Variants in TMEM164 observed in about 807,000 individuals in gnomAD.
TMEM164 encodes the protein transmembrane protein 164, also known as RP13-360B22.2.
In TMEM164, 4 loss-of-function variants were observed where a neutral mutation model predicts 18.8. The ratio of observed to expected loss-of-function variants is 0.21; its 90% CI spans 0.10 to 0.49. The LOEUF is 0.49. Among genes scored for constraint, TMEM164 ranks in the 20% least tolerant of loss-of-function variants. The pLI, the probability that TMEM164 is intolerant of heterozygous loss-of-function variation, is 0.98. For synonymous variants in TMEM164, 86 were observed against 101.7 expected (o/e 0.85, Z 0.93); for missense variants, 108 against 239.9 (o/e 0.45, Z 3.63).
At chrX:110,090,343 T>C (rs957134702) in intron 3 of TMEM164, among the ~76,000 whole-genome samples, 7 of 108,380 alleles carry the variant, frequency 6.5e-5, no homozygotes, top group Non-Finnish European at 1.1e-4. Flanking sequence ...TCTTGCTCTG[T>C]TGCCCAGGCT....
chrX:110,123,126 A>G (rs1017630358), intron 4 of TMEM164, among the ~76,000 whole-genome samples: 4 of 111,626 alleles, frequency 3.6e-5, no homozygotes, highest in Non-Finnish European at 7.5e-5. Context: ...CATTTTTTTC[A>G]TGTGGATATC....
chrX:110,054,138 CA>C (rs1422054840), intron 2 of TMEM164, among the ~76,000 whole-genome samples: 1 of 111,866 alleles, frequency 8.9e-6, no homozygotes, highest in Non-Finnish European at 1.9e-5. Flanking sequence ...CGACCTTAGG[CA>C]ATTTATTTAA....
intron 2 of TMEM164, among the ~76,000 whole-genome samples, chrX:110,040,970 G>A (rs925098132): frequency 8.9e-6 from 1 of 111,741 alleles, no homozygotes; most frequent in Non-Finnish European, 1.9e-5. Context: ...AAACAAATCC[G>A]TTTAATAGTG....
At chrX:110,046,944 CT>C (rs1475635534) in intron 2 of TMEM164, among the ~76,000 whole-genome samples, 1 of 112,102 alleles carries the variant, frequency 8.9e-6, no homozygotes, top group Non-Finnish European at 1.9e-5. Flanking sequence ...AGGAAAAATG[CT>C]AATTCCTGGG....
At chrX:110,049,073 ATGT>A (rs1049880772) in intron 2 of TMEM164, among the ~76,000 whole-genome samples, 2 of 112,334 alleles carry the variant, frequency 1.8e-5, no homozygotes, top group African/African-American at 3.2e-5. Flanking sequence ...GGTTTGATAA[ATGT>A]TGTTGTTATT....
chrX:110,092,043 G>A (rs150707442), intron 3 of TMEM164, among the ~76,000 whole-genome samples: 1 of 111,393 alleles, frequency 9.0e-6, no homozygotes, highest in Non-Finnish European at 1.9e-5. Context: ...ATTTCTGAGG[G>A]CTCTGTTCTG....
intron 4 of TMEM164, among the ~76,000 whole-genome samples, chrX:110,121,912 G>A (rs902936491): frequency 5.4e-5 from 6 of 111,758 alleles, no homozygotes; most frequent in Non-Finnish European, 9.4e-5. Context: ...TTGAGTATCC[G>A]TTATCCAAAA....
intron 3 of TMEM164, among the ~76,000 whole-genome samples, chrX:110,090,374 C>T (rs1378031585): frequency 9.3e-6 from 1 of 107,946 alleles, no homozygotes; most frequent in East Asian, 2.9e-4. Flanking sequence ...GGCACAATCT[C>T]GGCTCACTGC....
intron 3 of TMEM164, among the ~76,000 whole-genome samples, chrX:110,108,125 T>TGTGTGTGTGA (rs1444288844): frequency 3.7e-4 from 38 of 102,816 alleles, no homozygotes; most frequent in African/African-American, 1.2e-3. Flanking sequence ...TGTGTGTGTG[T>TGTGTGTGTGA]GATTGAGATT....
intron 4 of TMEM164, among the ~76,000 whole-genome samples, chrX:110,131,583 A>C (rs1293096132): frequency 9.0e-6 from 1 of 111,295 alleles, no homozygotes; most frequent in African/African-American, 3.3e-5. Flanking sequence ...CCTAAGCAGG[A>C]ATGTTAGGCC....
intron 3 of TMEM164, among the ~76,000 whole-genome samples, chrX:110,079,390 A>G (rs1279740054): frequency 8.9e-6 from 1 of 112,252 alleles, no homozygotes; most frequent in Non-Finnish European, 1.9e-5. Context: ...ACCTGCTGCC[A>G]TGACCTTTGC....
Position 110,155,116 on chromosome X carries a change from G to A in TMEM164, c.586+10240G>A, listed in dbSNP as rs543761273. On this transcript the variant is annotated intron_variant, in intron 5 of 6. Coordinates refer to ENST00000372068, the MANE Select transcript of TMEM164 (RefSeq NM_032227.4). ...AGAGGTCAGGATTGTGCCTTGCTGT[G>A]TTCTAAAGCCGCAGAACCTTGCATG... Among the ~76,000 whole-genome samples the A allele has an allele frequency of 2.7e-5, 3 of 111,717 alleles. No individual in the cohort carries two copies. The South Asian group carries it at 1.1e-3, about 43-fold the overall frequency.
chrX:110,102,334 A>G (rs989899492), intron 3 of TMEM164, among the ~76,000 whole-genome samples: 1 of 111,211 alleles, frequency 9.0e-6, no homozygotes, highest in African/African-American at 3.3e-5. Flanking sequence ...CCTGGGTGAC[A>G]GAGTGAGACT....
chrX:110,089,115 T>A (rs761110855), intron 3 of TMEM164, among the ~76,000 whole-genome samples: 1 of 112,276 alleles, frequency 8.9e-6, no homozygotes, highest in South Asian at 3.7e-4. Flanking sequence ...AGCAGAACTG[T>A]TTCTTTCTCA....
intron 2 of TMEM164, among the ~76,000 whole-genome samples, chrX:110,019,342 C>G (rs1245703919): frequency 9.0e-6 from 1 of 110,929 alleles, no homozygotes; most frequent in Non-Finnish European, 1.9e-5. Context: ...CTTTCATGAT[C>G]TCTTCCATTT....
intron 3 of TMEM164, among the ~76,000 whole-genome samples, chrX:110,105,175 ACCATCCATCCATCCATCCATCCAT>A (rs55889712): frequency 1.5e-4 from 13 of 89,011 alleles, no homozygotes; most frequent in Admixed American, 3.8e-4. Flanking sequence ...CTTCCATCCA[ACCATCCATCCATCCATCCATCCAT>A]CCATCCATCC....
At chrX:110,131,406 C>G (rs1399660906) in intron 4 of TMEM164, among the ~76,000 whole-genome samples, 1 of 111,716 alleles carries the variant, frequency 9.0e-6, no homozygotes, top group Non-Finnish European at 1.9e-5. Context: ...GTAACACAGA[C>G]TACCTGTGCG....
At chrX:110,099,801 A>T (rs989956369) in intron 3 of TMEM164, among the ~76,000 whole-genome samples, 1 of 112,316 alleles carries the variant, frequency 8.9e-6, no homozygotes, top group African/African-American at 3.2e-5. Context: ...GTGAGAAATG[A>T]CATCTTTCCT....
chrX:110,092,469 C>A (rs1408616852), intron 3 of TMEM164, among the ~76,000 whole-genome samples: 1 of 111,605 alleles, frequency 9.0e-6, no homozygotes, highest in Non-Finnish European at 1.9e-5. Context: ...CTCTTTGAAG[C>A]AATTGTGAAT....
Sources: allele counts gnomAD v4.1 joint callset (sites outside exome capture counted in the v4.1 genomes callset), GRCh38; gene constraint gnomAD v4.1.1; transcripts MANE v1.5; gene names NCBI Gene and HGNC (gene_info 2026-07-23, HGNC 2026-07-21).